Variants in SLC8A2 observed in about 807,000 individuals in gnomAD.
SLC8A2 encodes the protein solute carrier family 8 member A2, also known as sodium/calcium exchanger 2.
In SLC8A2, 14 loss-of-function variants were observed where a neutral mutation model predicts 70.2. The ratio of observed to expected loss-of-function variants is 0.20; its 90% CI spans 0.13 to 0.31. The LOEUF is 0.31. Ranked by LOEUF, SLC8A2 falls within the 10% of genes least tolerant of loss-of-function variation. SLC8A2 has a pLI of 1.00. For synonymous variants in SLC8A2, 575 were observed against 594.3 expected (o/e 0.97, Z 0.47); for missense variants, 779 against 1,320.1 (o/e 0.59, Z 6.35).
rs895666957 is a variant in SLC8A2 at position 47,429,501 on chromosome 19, G to A, written c.*588C>T. The stretch of plus-strand genomic sequence containing the variant: ...TGTCCTCCCAAGAACCCGAGTGGAG[G>A]GATTGGAAGGAACGGTGTGCGGCCT... On this transcript the variant is annotated 3_prime_UTR_variant, in exon 10 of 10. Transcript: ENST00000236877. The A allele has an allele frequency of 6.5e-6, 1 of 153,190 alleles. No homozygotes were observed. Among genetic ancestry groups the A allele is most frequent in the African/African-American group, 2.4e-5 (1 of 41,428 alleles). 9.5% of individuals were successfully genotyped at this position (153,190 alleles called of 1,614,324 possible). A position where few individuals can be genotyped will look rare whatever the true frequency, so the allele number is the denominator to read the frequency against.
At chr19:47,445,857 G>T (rs1045016687) in intron 4 of SLC8A2, among the ~76,000 whole-genome samples, 4 of 152,170 alleles carry the variant, frequency 2.6e-5, no homozygotes, top group Admixed American at 6.5e-5. Flanking sequence ...TGAGAGAGGG[G>T]TCTGGGATGG....
At chr19:47,443,834 C>T (rs1361634103) in intron 4 of SLC8A2, among the ~76,000 whole-genome samples, 2 of 152,192 alleles carry the variant, frequency 1.3e-5, no homozygotes, top group South Asian at 4.1e-4. Flanking sequence ...CTCTGACTCT[C>T]CAGCAGTCTC....
Position 47,465,698 on chromosome 19 carries a change from A to G in SLC8A2, c.675+31T>C, listed in dbSNP as rs367950542. On this transcript the variant is annotated intron_variant, in intron 2 of 9. Transcript: ENST00000236877. This position sits in a 1 kb window ranked among gnomAD's most constrained non-coding sequence, Gnocchi z 5.5. ...CTCTGGATTTTGCAGACACACATGC[A>G]CCAAGAAAGCATCTATGCGTCTTTG... 1 of 1,560,422 alleles carries G rather than the reference A, an allele frequency of 6.4e-7. No homozygotes were observed. The highest frequency in any genetic ancestry group is 8.7e-7 in the Non-Finnish European group (1 of 1,146,552).
intron 2 of SLC8A2, among the ~76,000 whole-genome samples, chr19:47,458,390 C>T (rs1444699757): frequency 6.7e-6 from 1 of 148,382 alleles, no homozygotes; most frequent in African/African-American, 2.5e-5. Flanking sequence ...CTCTTTCTGT[C>T]TCTCTTCATG....
chr19:47,445,694 T>G (rs1967152355), intron 4 of SLC8A2, among the ~76,000 whole-genome samples: 1 of 151,790 alleles, frequency 6.6e-6, no homozygotes, highest in African/African-American at 2.4e-5. Flanking sequence ...TGGGAGCTTG[T>G]GGGGGTGGGG....
rs1271586029 is a variant in SLC8A2 at position 47,466,310 on chromosome 19, G to A, written c.94C>T (p.Pro32Ser). ...GTGCTGGTGTCGCTGTCATTGGCCG[G>A]GGGAGGCGGCAGGGAGGGGGTTGGG... Reference protein sequence around the residue: ...ATPTPSLPPPPANDSDTSTGG... With the variant: ...ATPTPSLPPPSANDSDTSTGG... The change falls in exon 2 of 10, where the codon CCG becomes TCG. Residue 32 changes from proline (P) to serine (S), a missense_variant. Coordinates refer to ENST00000236877, the MANE Select transcript of SLC8A2 (RefSeq NM_015063.3). This position sits in a 1 kb window ranked among gnomAD's most constrained non-coding sequence, Gnocchi z 6.9. 2 of 1,493,584 alleles carry A rather than the reference G, an allele frequency of 1.3e-6. No individual in the cohort carries two copies. The highest frequency in any genetic ancestry group is 2.6e-5 in the South Asian group (2 of 76,342). The allele number at this position is 1,493,584 out of a possible 1,614,324, so 92.5% of individuals were successfully genotyped here. A position where few individuals can be genotyped will look rare whatever the true frequency, so the allele number is the denominator to read the frequency against.
chr19:47,447,621 TCGTGGGCATGGGTCACAGGCCCCGCCC>T lies in SLC8A2; in HGVS notation c.1763+161_1763+187del. 1 of 395,246 alleles carries T rather than the reference TCGTGGGCATGGGTCACAGGCCCCGCCC, an allele frequency of 2.5e-6. No homozygotes were observed. The highest frequency in any genetic ancestry group is 4.4e-6 in the Non-Finnish European group (1 of 228,900). The allele number at this position is 395,246 out of a possible 1,614,324, so 24.5% of individuals were successfully genotyped here. A position where few individuals can be genotyped will look rare whatever the true frequency, so the allele number is the denominator to read the frequency against. On this transcript the variant is annotated intron_variant, in intron 4 of 9. Coordinates refer to ENST00000236877, the MANE Select transcript of SLC8A2 (RefSeq NM_015063.3). This position sits in a 1 kb window ranked among gnomAD's most constrained non-coding sequence, Gnocchi z 5.1. Reference sequence around the variant, plus strand: ...GCTGTTCAGTGAAGCCCCGCCCACGTCGTGGGCATGGGTCACAGGCCCCGCCCACGTTGCGGGCACGGCCACGCAGGC... The same window carrying T: ...GCTGTTCAGTGAAGCCCCGCCCACGTACGTTGCGGGCACGGCCACGCAGGC...
intron 3 of SLC8A2, among the ~76,000 whole-genome samples, chr19:47,452,888 C>G (rs967941607): frequency 6.6e-6 from 1 of 151,966 alleles, no homozygotes; most frequent in East Asian, 1.9e-4. Flanking sequence ...CAAAAATTAA[C>G]CAGGTGTGGC....
intron 1 of SLC8A2, among the ~76,000 whole-genome samples, chr19:47,471,141 G>C (rs1599863283): frequency 6.6e-6 from 1 of 151,680 alleles, no homozygotes; most frequent in Non-Finnish European, 1.5e-5. Context: ...GAGGGAGAGA[G>C]AGAGAGAGAG....
chr19:47,457,199 G>A lies in SLC8A2; in HGVS notation c.1071C>T (p.Ala357=), dbSNP rs1036849093. The A allele has an allele frequency of 3.9e-6, 6 of 1,545,864 alleles. No individual in the cohort carries two copies. In the African/African-American group the frequency reaches 8.3e-5, roughly 21 times the overall value. Residue 357 remains alanine, a synonymous_variant, in exon 3 of 10, where the codon GCC becomes GCT. Coordinates refer to ENST00000236877, the MANE Select transcript of SLC8A2 (RefSeq NM_015063.3). ...QKSRAFYRIQ[A]TRLMTGAGNV... is the part of the protein sequence containing the mutation. ...TCCCGGCGCCGGTCATCAGCCGCGTGGCCTGGATGCGGTAGAAGGCGCGGC... is the reference window on the plus strand; with the variant it reads ...TCCCGGCGCCGGTCATCAGCCGCGTAGCCTGGATGCGGTAGAAGGCGCGGC...
chr19:47,466,071 C>T lies in SLC8A2; in HGVS notation c.333G>A (p.Lys111=). Residue 111 remains lysine (K), a synonymous_variant, in exon 2 of 10, where the codon AAG becomes AAA. Transcript: ENST00000236877. This position sits in a 1 kb window ranked among gnomAD's most constrained non-coding sequence, Gnocchi z 6.9. The stretch of plus-strand genomic sequence containing the variant: ...TGCCCACGCTGGTCTCACCGTTGGC[C>T]TTGGTGATGGTGATCTCCTTCTCTT... ...TSKEKEITIT[K]ANGETSVGTV... 1 of 1,614,190 alleles carries T rather than the reference C, an allele frequency of 6.2e-7. No individual in the cohort carries two copies. The highest frequency in any genetic ancestry group is 8.5e-7 in the Non-Finnish European group (1 of 1,180,036).
intron 3 of SLC8A2, among the ~76,000 whole-genome samples, chr19:47,454,204 G>A (rs148067514): frequency 1.1e-4 from 16 of 152,320 alleles, no homozygotes; most frequent in African/African-American, 3.8e-4. Flanking sequence ...AAAGTGGGCT[G>A]TTATCCCAGG....
chr19:47,447,512 C>T lies in SLC8A2; in HGVS notation c.1763+297G>A, dbSNP rs1445347228. On this transcript the variant is annotated intron_variant, in intron 4 of 9. Coordinates refer to ENST00000236877, the MANE Select transcript of SLC8A2 (RefSeq NM_015063.3). The surrounding 1 kb of genome is among the most constrained non-coding windows in gnomAD (Gnocchi z 5.1). Reference sequence around the variant, plus strand: ...CCAGGCCCCGCCCACGTGGTAGACACAGCACACCTAGGCCCCGCCCCTCCC... The same window carrying T: ...CCAGGCCCCGCCCACGTGGTAGACATAGCACACCTAGGCCCCGCCCCTCCC... 4.3e-6 allele frequency: 2 copies of T among 465,310 alleles called. No homozygotes were observed. Among genetic ancestry groups the T allele is most frequent in the Non-Finnish European group, 3.8e-6 (1 of 261,914 alleles). The allele number at this position is 465,310 out of a possible 1,614,324, so 28.8% of individuals were successfully genotyped here.
intron 2 of SLC8A2, among the ~76,000 whole-genome samples, chr19:47,459,660 T>C (rs558851459): frequency 1.3e-5 from 2 of 151,230 alleles, no homozygotes; most frequent in South Asian, 4.2e-4. Flanking sequence ...TGTGTGTCCT[T>C]CTGTGTGTGT....
rs1040259067 is a variant in SLC8A2, at chr19:47,447,237, C to A, written c.1763+572G>T. Among the ~76,000 whole-genome samples, 1 of 151,980 alleles carries A rather than the reference C, an allele frequency of 6.6e-6. No individual in the cohort carries two copies. The highest frequency in any genetic ancestry group is 2.4e-5 in the African/African-American group (1 of 41,360). ...GTCGTATGTCCAAACCCAGACCCCA[C>A]CTATCGCCCTGGACCCGCCCCCTCT... On this transcript the variant is annotated intron_variant, in intron 4 of 9. Transcript: ENST00000236877. This position sits in a 1 kb window ranked among gnomAD's most constrained non-coding sequence, Gnocchi z 5.1.
intron 1 of SLC8A2, among the ~76,000 whole-genome samples, chr19:47,471,002 G>A (rs1461260629): frequency 2.0e-5 from 3 of 152,006 alleles, no homozygotes; most frequent in South Asian, 2.1e-4. Flanking sequence ...CCTGCCAGGG[G>A]CGGAGACAAA....
At position 47,432,695 on chromosome 19, in the gene SLC8A2, G is replaced by A. The variant is rs1467572761; in HGVS notation, c.2111-250C>T. ...CCAGAATCCTTTGGATCTAAATATG[G>A]CTAAGTCAGCAGTAAAAACAGTTAC... On this transcript the variant is annotated intron_variant, in intron 8 of 9. Coordinates refer to ENST00000236877, the MANE Select transcript of SLC8A2 (RefSeq NM_015063.3). This position sits in a 1 kb window ranked among gnomAD's most constrained non-coding sequence, Gnocchi z 6.2. 6 of 438,716 alleles carry A rather than the reference G, an allele frequency of 1.4e-5. No homozygotes were observed. The highest frequency in any genetic ancestry group is 2.0e-5 in the African/African-American group (1 of 49,778). The allele number at this position is 438,716 out of a possible 1,614,324, so 27.2% of individuals were successfully genotyped here. A position where few individuals can be genotyped will look rare whatever the true frequency, so the allele number is the denominator to read the frequency against.
rs149961721 is a variant in SLC8A2 at position 47,459,485 on chromosome 19, CCTCT to C, written c.676-1895_676-1892del. On this transcript the variant is annotated intron_variant, in intron 2 of 9. Coordinates refer to ENST00000236877, the MANE Select transcript of SLC8A2 (RefSeq NM_015063.3). ...AGAGCTACTTTTCTCTCTCTCCCTC[CCTCT>C]CTCTCTTGCTCCCCATCTCTGTGTG... Among the ~76,000 whole-genome samples the C allele has an allele frequency of 7.7e-3, 1,173 of 152,194 alleles. 8 individuals are homozygous for C. The highest frequency in any genetic ancestry group is 0.011 in the Admixed American group (170 of 15,284).
Position 47,432,075 on chromosome 19 carries a change from TGACTC to T in SLC8A2, c.2389+87_2389+91del, listed in dbSNP as rs1966970245. The T allele has an allele frequency of 7.9e-7, 1 of 1,264,032 alleles. No homozygotes were observed. The highest frequency in any genetic ancestry group is 1.5e-5 in the African/African-American group (1 of 66,718). 78.3% of individuals were successfully genotyped at this position (1,264,032 alleles called of 1,614,324 possible). On this transcript the variant is annotated intron_variant, in intron 9 of 9. Coordinates refer to ENST00000236877, the MANE Select transcript of SLC8A2 (RefSeq NM_015063.3). This position sits in a 1 kb window ranked among gnomAD's most constrained non-coding sequence, Gnocchi z 6.2. ...TGAGACCCACCACATGGGCGCTGTG[TGACTC>T]CACCCACCTCATTTTGGCAGGATCC...
Sources: gnomAD v4.1 joint callset for allele counts (sites outside exome capture counted in the v4.1 genomes callset) on GRCh38, gnomAD v4.1.1 for gene constraint, Gnocchi (gnomAD v3.1) non-coding constraint, MANE v1.5 for transcripts, NCBI Gene and HGNC (gene_info 2026-07-23, HGNC 2026-07-21) for gene names.